Variants in COMMD10 observed in about 807,000 individuals in gnomAD.
COMMD10 encodes the protein COMM domain-containing protein 10.
COMMD10 carries 33 observed loss-of-function variants against 28.9 expected under a neutral mutation model. The ratio of observed to expected loss-of-function variants is 1.14; its 90% CI spans 0.87 to 1.53. The LOEUF (loss-of-function observed/expected upper bound fraction) is 1.53. Among genes scored for constraint, COMMD10 ranks in the 40% most tolerant of loss-of-function variants. The pLI is 0.00. For missense variants in COMMD10, 310 were observed against 233.4 expected, an observed-to-expected ratio of 1.33 and a Z score of -2.14; for synonymous variants, 110 against 81.7, an observed-to-expected ratio of 1.35 and a Z score of -1.87.
At chr5:116,197,635 G>T (rs566004309) in intron 5 of COMMD10, among the ~76,000 whole-genome samples, 1 of 152,158 alleles carries the variant, frequency 6.6e-6, no homozygotes, top group Non-Finnish European at 1.5e-5. Context: ...ATCCCCCTCG[G>T]CCTCCCTACG....
At chr5:116,134,319 CAG>C (rs1580476103) in intron 5 of COMMD10, 141 bp downstream of exon 5, 1 of 549,714 alleles carries the variant, frequency 1.8e-6, no homozygotes, top group Non-Finnish European at 3.3e-6. Flanking sequence ...TCTTTTTTGA[CAG>C]AAATAGCTTA....
chr5:116,125,704 G>T (rs977586837), intron 4 of COMMD10, among the ~76,000 whole-genome samples: 21 of 151,922 alleles, frequency 1.4e-4, no homozygotes, highest in Non-Finnish European at 1.9e-4. Context: ...ATATAGATTT[G>T]GTCTTTTCAC....
chr5:116,157,419 GT>G (rs1752752920), intron 5 of COMMD10, among the ~76,000 whole-genome samples: 1 of 152,166 alleles, frequency 6.6e-6, no homozygotes, highest in African/African-American at 2.4e-5. Flanking sequence ...TGTTTCAGCA[GT>G]TTGCCGGGTC....
At chr5:116,259,367 CT>C (rs1750376507) in intron 5 of COMMD10, among the ~76,000 whole-genome samples, 1 of 151,368 alleles carries the variant, frequency 6.6e-6, no homozygotes, top group African/African-American at 2.4e-5. Flanking sequence ...TTGTAGCAGT[CT>C]TTTCCATAAT....
chr5:116,261,444 G>T (rs1033300752), intron 5 of COMMD10, among the ~76,000 whole-genome samples: 6 of 151,668 alleles, frequency 4.0e-5, no homozygotes, highest in Non-Finnish European at 7.4e-5. Context: ...GTAAGGCTAG[G>T]AGTAATGTAG....
At chr5:116,258,971 A>C (rs1292883236) in intron 5 of COMMD10, among the ~76,000 whole-genome samples, 1 of 148,542 alleles carries the variant, frequency 6.7e-6, no homozygotes, top group Non-Finnish European at 1.5e-5. Flanking sequence ...CTTTTCTCTT[A>C]CTTTATATTT....
intron 5 of COMMD10, among the ~76,000 whole-genome samples, chr5:116,260,058 C>G (rs1205168497): frequency 6.6e-6 from 1 of 151,694 alleles, no homozygotes; most frequent in African/African-American, 2.4e-5. Flanking sequence ...ATTCTTTCTT[C>G]TTTTTAGTAA....
chr5:116,208,348 C>T (rs1046307459), intron 5 of COMMD10, among the ~76,000 whole-genome samples: 6 of 152,110 alleles, frequency 3.9e-5, no homozygotes, highest in African/African-American at 1.4e-4. Context: ...CAAAAAGGCT[C>T]CTGTAAGTCC....
chr5:116,184,717 T>C (rs996232775), intron 5 of COMMD10, among the ~76,000 whole-genome samples: 4 of 152,144 alleles, frequency 2.6e-5, no homozygotes, highest in Non-Finnish European at 4.4e-5. Flanking sequence ...AACAGTTCCA[T>C]GATAATTCTC....
chr5:116,263,624 A>G (rs993822103), intron 5 of COMMD10, among the ~76,000 whole-genome samples: 1 of 151,668 alleles, frequency 6.6e-6, no homozygotes, highest in Non-Finnish European at 1.5e-5. Flanking sequence ...CCTCTGCCCA[A>G]TAAAACTTGG....
chr5:116,167,378 C>A (rs1753159460), intron 5 of COMMD10, among the ~76,000 whole-genome samples: 1 of 152,074 alleles, frequency 6.6e-6, no homozygotes, highest in South Asian at 2.1e-4. Flanking sequence ...ATTGGTGTAC[C>A]TGAAAGTGAT....
chr5:116,131,667 T>A (rs888169962), intron 4 of COMMD10, among the ~76,000 whole-genome samples: 1 of 152,026 alleles, frequency 6.6e-6, no homozygotes, highest in African/African-American at 2.4e-5. Flanking sequence ...TAAAGGTGAA[T>A]AAGACTCCAG....
intron 5 of COMMD10, among the ~76,000 whole-genome samples, chr5:116,203,690 T>C (rs890048601): frequency 6.6e-6 from 1 of 151,936 alleles, no homozygotes; most frequent in Non-Finnish European, 1.5e-5. Flanking sequence ...AAGCAAATGC[T>C]GAGAGATTTT....
At chr5:116,104,961 C>T (rs1750790912) in intron 4 of COMMD10, among the ~76,000 whole-genome samples, 1 of 152,164 alleles carries the variant, frequency 6.6e-6, no homozygotes, top group South Asian at 2.1e-4. Context: ...TTTCTCTTGC[C>T]TGATTGCCGT....
At chr5:116,185,432 T>G (rs1282262030) in intron 5 of COMMD10, among the ~76,000 whole-genome samples, 1 of 152,120 alleles carries the variant, frequency 6.6e-6, no homozygotes, top group African/African-American at 2.4e-5. Context: ...GGTCTGTGTA[T>G]TACAAAAAAG....
intron 5 of COMMD10, among the ~76,000 whole-genome samples, chr5:116,135,453 T>C (rs1351087107): frequency 6.6e-6 from 1 of 152,232 alleles, no homozygotes; most frequent in African/African-American, 2.4e-5. Flanking sequence ...AGTATCATTT[T>C]ATTTCACACA....
chr5:116,129,202 A>G (rs1374052407), intron 4 of COMMD10, among the ~76,000 whole-genome samples: 1 of 151,298 alleles, frequency 6.6e-6, no homozygotes, highest in Non-Finnish European at 1.5e-5. Context: ...TAATGATGTA[A>G]GGAAGCCCCA....
chr5:116,161,901 G>T (rs1344074344), intron 5 of COMMD10, among the ~76,000 whole-genome samples: 1 of 152,168 alleles, frequency 6.6e-6, no homozygotes, highest in Non-Finnish European at 1.5e-5. Context: ...CCTATGTTCT[G>T]TGGGCTTTTA....
At chr5:116,238,070 A>G (rs1406085590) in intron 5 of COMMD10, among the ~76,000 whole-genome samples, 3 of 152,222 alleles carry the variant, frequency 2.0e-5, no homozygotes, top group Non-Finnish European at 2.9e-5. Context: ...CACAAAAAAC[A>G]AGGTCTGAAA....
Sources: gnomAD v4.1 joint callset for allele counts (sites outside exome capture counted in the v4.1 genomes callset) on GRCh38, gnomAD v4.1.1 for gene constraint, MANE v1.5 for transcripts, NCBI Gene and HGNC (gene_info 2026-07-23, HGNC 2026-07-21) for gene names.